KCMF1: variants seen among roughly 807,000 people sequenced by gnomAD.
KCMF1 encodes the protein potassium channel modulatory factor 1, also known as E3 ubiquitin-protein ligase KCMF1.
Under a neutral mutation model 41.1 loss-of-function variants are expected in KCMF1, and 3 were observed. The ratio of observed to expected loss-of-function variants is 0.07; its 90% CI spans 0.03 to 0.19. The LOEUF is 0.19. Among genes scored for constraint, KCMF1 ranks in the 10% least tolerant of loss-of-function variants. KCMF1 has a pLI of 1.00. For missense variants in KCMF1, 286 were observed against 488.9 expected (o/e 0.58, Z 3.91); for synonymous variants, 142 against 164.5 (o/e 0.86, Z 1.04).
chr2:84,981,600 T>C (rs561120000), intron 1 of KCMF1, among the ~76,000 whole-genome samples: 1 of 152,284 alleles, frequency 6.6e-6, no homozygotes, highest in Admixed American at 6.5e-5. Flanking sequence ...GAGTCACTTT[T>C]TAGAGTACTA....
At chr2:84,986,573 A>G (rs1673905688) in intron 1 of KCMF1, among the ~76,000 whole-genome samples, 1 of 151,850 alleles carries the variant, frequency 6.6e-6, no homozygotes, top group African/African-American at 2.4e-5. Context: ...TAGCAGGGGG[A>G]GTGAGGTATA....
intron 1 of KCMF1, among the ~76,000 whole-genome samples, chr2:85,022,484 T>G (rs1674970566): frequency 6.6e-6 from 1 of 152,114 alleles, no homozygotes; most frequent in African/African-American, 2.4e-5. Flanking sequence ...AAATCTACAA[T>G]CTGCCAAAAC....
chr2:85,009,438 A>G (rs973214916), intron 1 of KCMF1, among the ~76,000 whole-genome samples: 2 of 152,286 alleles, frequency 1.3e-5, no homozygotes, highest in Middle Eastern at 3.4e-3. Flanking sequence ...AATTGGTGCC[A>G]AGAAAGTGGG....
chr2:85,055,813 A>G lies in KCMF1; in HGVS notation c.*2404A>G, dbSNP rs1479795168. ...GATGGAGACAAAATCAAAATATACCACTGTTTATTTTGGCAGCACCTTCAA... is the reference window on the plus strand; with the variant it reads ...GATGGAGACAAAATCAAAATATACCGCTGTTTATTTTGGCAGCACCTTCAA... On this transcript the variant is annotated 3_prime_UTR_variant, in exon 7 of 7. Coordinates refer to ENST00000409785, the MANE Select transcript of KCMF1 (RefSeq NM_020122.5). The G allele has an allele frequency of 2.0e-5, 3 of 152,164 alleles. No individual in the cohort carries two copies. The highest frequency in any genetic ancestry group is 4.4e-5 in the Non-Finnish European group (3 of 68,018). 9.4% of individuals were successfully genotyped at this position (152,164 alleles called of 1,614,324 possible). A position where few individuals can be genotyped will look rare whatever the true frequency, so the allele number is the denominator to read the frequency against.
chr2:85,017,407 A>T (rs1674802444), intron 1 of KCMF1, among the ~76,000 whole-genome samples: 1 of 152,178 alleles, frequency 6.6e-6, no homozygotes, highest in Admixed American at 6.5e-5. Context: ...TCTATCATTT[A>T]ATAGTATTGT....
intron 1 of KCMF1, among the ~76,000 whole-genome samples, chr2:85,018,661 A>C (rs1360970682): frequency 6.6e-6 from 1 of 152,178 alleles, no homozygotes; most frequent in Admixed American, 6.6e-5. Flanking sequence ...AAGGTAAATG[A>C]AACCTAAATA....
At chr2:85,008,238 AT>A (rs1674520239) in intron 1 of KCMF1, among the ~76,000 whole-genome samples, 3 of 114,490 alleles carry the variant, frequency 2.6e-5, no homozygotes, top group African/African-American at 6.5e-5. Flanking sequence ...CACATATTAT[AT>A]TATATATGAT....
chr2:85,006,363 C>T (rs904288646), intron 1 of KCMF1, among the ~76,000 whole-genome samples: 1 of 145,032 alleles, frequency 6.9e-6, no homozygotes, highest in Admixed American at 7.1e-5. Flanking sequence ...TGCAGTGGCG[C>T]CATCTCGGCT....
chr2:85,045,696 T>A (rs1338689522), intron 4 of KCMF1, among the ~76,000 whole-genome samples: 1 of 152,216 alleles, frequency 6.6e-6, no homozygotes, highest in Non-Finnish European at 1.5e-5. Flanking sequence ...GTGTGTCTTA[T>A]ACAAGAAATG....
intron 1 of KCMF1, among the ~76,000 whole-genome samples, chr2:85,018,201 T>C (rs1674832322): frequency 6.6e-6 from 1 of 152,162 alleles, no homozygotes; most frequent in Non-Finnish European, 1.5e-5. Context: ...ATGTAGCTTG[T>C]TCAAGTTAGC....
chr2:85,024,531 TCTTA>T (rs529812752), intron 1 of KCMF1, among the ~76,000 whole-genome samples: 3 of 151,750 alleles, frequency 2.0e-5, no homozygotes, highest in Non-Finnish European at 4.4e-5. Context: ...TGGACTTATC[TCTTA>T]CTTTTTGATT....
rs1675853034 is a variant in KCMF1 at position 85,053,327 on chromosome 2, T to C, written c.1064T>C (p.Ile355Thr). ...TTTGGTGCTATGGGCTGTGTAGATA[T>C]TATGCCTTTAGATGTTGCTTTAGAA... ...ADFGAMGCVD[I>T]MPLDVALENL... is the part of the protein sequence containing the mutation. The change falls in exon 7 of 7, where the codon ATT becomes ACT. Residue 355 changes from isoleucine to threonine, a missense_variant. Coordinates refer to ENST00000409785, the MANE Select transcript of KCMF1 (RefSeq NM_020122.5). The C allele has an allele frequency of 1.9e-6, 3 of 1,613,748 alleles. No homozygotes were observed. The highest frequency in any genetic ancestry group is 2.5e-6 in the Non-Finnish European group (3 of 1,179,842).
chr2:84,991,273 G>C (rs1574010075), intron 1 of KCMF1, among the ~76,000 whole-genome samples: 1 of 152,178 alleles, frequency 6.6e-6, no homozygotes, highest in Non-Finnish European at 1.5e-5. Flanking sequence ...GAAGGGAGAA[G>C]CATTTTGGAG....
chr2:85,033,439 C>A (rs929781669), intron 2 of KCMF1, among the ~76,000 whole-genome samples: 3 of 152,124 alleles, frequency 2.0e-5, no homozygotes, highest in African/African-American at 7.2e-5. Context: ...ATTTAGCTCA[C>A]AATTGTTGAG....
chr2:84,995,701 C>A (rs1021386267), intron 1 of KCMF1, among the ~76,000 whole-genome samples: 1 of 152,000 alleles, frequency 6.6e-6, no homozygotes, highest in Non-Finnish European at 1.5e-5. Flanking sequence ...GCCTGTAATC[C>A]CAACACTGGG....
chr2:84,971,514 AC>A (rs1469083455), intron 1 of KCMF1, 47 bp downstream of exon 1: 4 of 1,108,352 alleles, frequency 3.6e-6, no homozygotes, highest in South Asian at 3.0e-5. Flanking sequence ...GCCTCGGCCT[AC>A]CCCGCCCGGG....
intron 1 of KCMF1, among the ~76,000 whole-genome samples, chr2:85,006,594 C>T (rs1255241421): frequency 2.0e-5 from 3 of 151,490 alleles, no homozygotes; most frequent in African/African-American, 7.3e-5. Flanking sequence ...CCACCGCGCC[C>T]GGCCCTCATT....
intron 1 of KCMF1, among the ~76,000 whole-genome samples, chr2:84,983,026 A>T (rs1433493519): frequency 6.6e-6 from 1 of 152,170 alleles, no homozygotes; most frequent in African/African-American, 2.4e-5. Flanking sequence ...TCTGAGTCAG[A>T]CATGCTGTAT....
At chr2:84,974,657 T>TTATATATA in intron 1 of KCMF1, among the ~76,000 whole-genome samples, 1 of 85,100 alleles carries the variant, frequency 1.2e-5, no homozygotes, top group Non-Finnish European at 2.4e-5. Flanking sequence ...CATTTTAATT[T>TTATATATA]CATATATATA....
Sources: allele counts gnomAD v4.1 joint callset (sites outside exome capture counted in the v4.1 genomes callset), GRCh38; gene constraint gnomAD v4.1.1; transcripts MANE v1.5; gene names NCBI Gene and HGNC (gene_info 2026-07-23, HGNC 2026-07-21).